The following SEC14L6 variants were observed in gnomAD, a reference collection of about 807,000 sequenced individuals.
SEC14L6 encodes SEC14-like protein 6.
Under a neutral mutation model 54.1 loss-of-function variants are expected in SEC14L6, and 40 were observed. The observed-to-expected ratio is 0.74, with a 90% CI of 0.57 to 0.96. The LOEUF (loss-of-function observed/expected upper bound fraction) is 0.96, where lower values mean the gene tolerates loss of function less well. Among genes scored for constraint, SEC14L6 ranks in the 40% least tolerant of loss-of-function variants. The pLI, the probability that SEC14L6 is intolerant of heterozygous loss-of-function variation, is 0.00. For missense variants in SEC14L6, 471 were observed against 498.3 expected, an observed-to-expected ratio of 0.95 and a Z score of 0.52; for synonymous variants, 171 against 198.4, an observed-to-expected ratio of 0.86 and a Z score of 1.16.
Position 30,532,826 on chromosome 22 carries a change from C to G in SEC14L6, c.205G>C (p.Ala69Pro), listed in dbSNP as rs750682237. 9.2e-5 allele frequency: 149 copies of G among 1,613,558 alleles called. No homozygotes were observed. The highest frequency in any genetic ancestry group is 1.2e-4 in the Non-Finnish European group (141 of 1,179,906). ...GGGGGCTGCCAGGCAAGGATGTTGG[C>G]CAGGTCTTGTTGCTTCCGGAACTCC... ...HMEFRKQQDL[A>P]NILAWQPPEV... Residue 69 changes from alanine (A) to proline (P), a missense_variant, in exon 4 of 12, where the codon GCC (alanine) becomes CCC (proline). Transcript: ENST00000402034.
intron 3 of SEC14L6, chr22:30,533,072 G>A (rs949770489): frequency 4.1e-6 from 4 of 985,232 alleles, no homozygotes; most frequent in East Asian, 1.1e-4. Context: ...GAAAGGGACA[G>A]GGGAGGCCTG....
chr22:30,530,376 G>T (rs1936929982), intron 6 of SEC14L6, among the ~76,000 whole-genome samples: 1 of 152,126 alleles, frequency 6.6e-6, no homozygotes. Flanking sequence ...TCTAGCCTGG[G>T]CAACAGAGTG....
At chr22:30,539,957 T>C (rs2085670010) in intron 1 of SEC14L6, among the ~76,000 whole-genome samples, 2 of 152,292 alleles carry the variant, frequency 1.3e-5, no homozygotes, top group South Asian at 4.1e-4. Flanking sequence ...CCTCCAACAC[T>C]GATGAATATG....
At chr22:30,526,913 T>C (rs963800331) in intron 8 of SEC14L6, among the ~76,000 whole-genome samples, 44 of 152,052 alleles carry the variant, frequency 2.9e-4, no homozygotes, top group African/African-American at 9.9e-4. Flanking sequence ...CTGGGTAACA[T>C]AGTAAAGACA....
chr22:30,541,193 T>A (rs1045582146), intron 1 of SEC14L6, among the ~76,000 whole-genome samples: 15 of 74,932 alleles, frequency 2.0e-4, no homozygotes, highest in African/African-American at 4.2e-4. Flanking sequence ...ACACAACTTT[T>A]AAAAAAATTT....
chr22:30,538,684 C>T, intron 2 of SEC14L6, 143 bp downstream of exon 2: 1 of 628,558 alleles, frequency 1.6e-6, no homozygotes, highest in Non-Finnish European at 2.7e-6. Context: ...TAATTCCTGG[C>T]CACAGAAATC....
intron 1 of SEC14L6, among the ~76,000 whole-genome samples, chr22:30,545,582 T>G (rs981611384): frequency 5.9e-5 from 9 of 151,984 alleles, no homozygotes; most frequent in South Asian, 4.2e-4. Context: ...TGTTGTTGTT[T>G]TTAGAGATGG....
Position 30,525,617 on chromosome 22 carries a change from A to T in SEC14L6, c.905T>A (p.Val302Glu), listed in dbSNP as rs1936745416. The T allele has an allele frequency of 6.2e-7, 1 of 1,608,812 alleles. No individual in the cohort carries two copies. The highest frequency in any genetic ancestry group is 8.5e-7 in the Non-Finnish European group (1 of 1,177,774). ...VENEILFPGC[V>E]LRWQFASDGG... Reference sequence around the variant, plus strand: ...GAGTGGCTGCCATCCCTACCTGAGCACACAGCCCGGGAACAGGATCTCGTT... The same window carrying T: ...GAGTGGCTGCCATCCCTACCTGAGCTCACAGCCCGGGAACAGGATCTCGTT... Residue 302 changes from valine to glutamate, a missense_variant, in exon 10 of 12, where the codon GTG becomes GAG. Physicochemically the swap from Val to Glu is moderately radical, Grantham distance 121 (BLOSUM62 -2). Coordinates refer to ENST00000402034, the MANE Select transcript of SEC14L6 (RefSeq NM_001193336.4).
At chr22:30,532,440 C>T (rs1420225678) in intron 5 of SEC14L6, 85 bp downstream of exon 5, 26 of 1,409,320 alleles carry the variant, frequency 1.8e-5, no homozygotes, top group Non-Finnish European at 2.2e-5. Context: ...AGCCCAGGAG[C>T]CCAGGAAGGC....
At chr22:30,543,224 G>T in intron 1 of SEC14L6, 8 of 1,602,366 alleles carry the variant, frequency 5.0e-6, no homozygotes, top group Non-Finnish European at 6.8e-6. Context: ...GTGCTGACCC[G>T]CGGGGACATT....
In SEC14L6 at chr22:30,524,876, G is replaced by C. The variant is rs954787269; in HGVS notation, c.*121C>G. 1 of 660,496 alleles carries C rather than the reference G, an allele frequency of 1.5e-6. No individual in the cohort carries two copies. The highest frequency in any genetic ancestry group is 2.8e-6 in the Non-Finnish European group (1 of 358,078). The allele number at this position is 660,496 out of a possible 1,614,324, so 40.9% of individuals were successfully genotyped here. A position where few individuals can be genotyped will look rare whatever the true frequency, so the allele number is the denominator to read the frequency against. On this transcript the variant is annotated 3_prime_UTR_variant, in exon 12 of 12. Transcript: ENST00000402034. ...GTGGGCCAGCTGTGATGCATAGGCT[G>C]TGACCTGCTGTTGTAGAATCCCTGT...
chr22:30,546,383 CAAAAA>C (rs915640201), intron 1 of SEC14L6, among the ~76,000 whole-genome samples: 8 of 49,862 alleles, frequency 1.6e-4, no homozygotes, highest in Admixed American at 2.1e-4. Context: ...AACTCCGTCT[CAAAAA>C]AAAAAAAAAA....
chr22:30,538,348 A>AAAG (rs2085636844), intron 2 of SEC14L6, among the ~76,000 whole-genome samples: 8 of 148,118 alleles, frequency 5.4e-5, no homozygotes, highest in African/African-American at 1.2e-4. Flanking sequence ...AAAAAAAAAA[A>AAAG]AAAGAAAGAA....
intron 1 of SEC14L6, among the ~76,000 whole-genome samples, chr22:30,546,172 C>T (rs1474530974): frequency 6.6e-6 from 1 of 152,016 alleles, no homozygotes; most frequent in Non-Finnish European, 1.5e-5. Context: ...CACCTGAGAT[C>T]AGGAATTCCA....
intron 1 of SEC14L6, among the ~76,000 whole-genome samples, chr22:30,541,124 T>C (rs565590809): frequency 1.3e-4 from 20 of 152,250 alleles, no homozygotes; most frequent in African/African-American, 4.8e-4. Context: ...TTGTAAGACT[T>C]TTCCCCTAGC....
At chr22:30,539,993 A>T (rs1021973608) in intron 1 of SEC14L6, among the ~76,000 whole-genome samples, 1 of 152,216 alleles carries the variant, frequency 6.6e-6, no homozygotes, top group Non-Finnish European at 1.5e-5. Context: ...CCGGACAAAG[A>T]GTCAGCAGGT....
At chr22:30,535,037 G>A (rs113270386) in intron 2 of SEC14L6, among the ~76,000 whole-genome samples, 42 of 148,432 alleles carry the variant, frequency 2.8e-4, no homozygotes, top group Non-Finnish European at 2.7e-4. Context: ...CCTATAAAAA[G>A]AAAAAAAAAA....
chr22:30,531,865 T>C (rs1432825009), intron 6 of SEC14L6, 38 bp downstream of exon 6: 8 of 1,446,444 alleles, frequency 5.5e-6, no homozygotes, highest in Non-Finnish European at 7.6e-6. Flanking sequence ...ACCCAGGCAT[T>C]TGACCACCCA....
chr22:30,542,006 A>G (rs1465541545), intron 1 of SEC14L6, among the ~76,000 whole-genome samples: 1 of 152,188 alleles, frequency 6.6e-6, no homozygotes, highest in Non-Finnish European at 1.5e-5. Flanking sequence ...CAGGCACAGG[A>G]GAAATTGTGC....
Sources: allele counts gnomAD v4.1 joint callset (sites outside exome capture counted in the v4.1 genomes callset), GRCh38; gene constraint gnomAD v4.1.1; transcripts MANE v1.5; gene names NCBI Gene and HGNC (gene_info 2026-07-23, HGNC 2026-07-21).